Variants in NEK6 observed in about 807,000 individuals in gnomAD.
The protein encoded by NEK6 is serine/threonine-protein kinase Nek6.
A neutral mutation model predicts 43.5 loss-of-function variants in NEK6; 27 were observed. That is an observed-to-expected ratio of 0.62 (90% CI 0.46 to 0.86). The LOEUF is 0.86. Ranked by LOEUF, NEK6 falls within the 40% of genes least tolerant of loss-of-function variation. The pLI is 0.00. For missense variants in NEK6, 318 were observed against 414.4 expected (o/e 0.77, Z 2.02); for synonymous variants, 167 against 164.1 (o/e 1.02, Z -0.14).
chr9:124,331,377 A>G (rs1828990079), intron 7 of NEK6, among the ~76,000 whole-genome samples: 1 of 152,056 alleles, frequency 6.6e-6, no homozygotes, highest in South Asian at 2.1e-4. Context: ...AAGAGAGACC[A>G]CATCCCTGTG....
chr9:124,350,009 C>T lies in NEK6; in HGVS notation c.832-828C>T, dbSNP rs754167505. On this transcript the variant is annotated intron_variant, in intron 9 of 9. Transcript: ENST00000320246. ...AACGGGCCTGCGCAGCAGTAGCCCC[C>T]GGGCCTCCAGAACGTCCCGTGGGCC... Among the ~76,000 whole-genome samples, 8 of 152,208 alleles carry T rather than the reference C, an allele frequency of 5.3e-5. No individual in the cohort carries two copies. In the East Asian group the frequency reaches 1.5e-3, roughly 29 times the overall value.
intron 8 of NEK6, among the ~76,000 whole-genome samples, chr9:124,341,606 G>A (rs972780918): frequency 6.6e-6 from 1 of 152,186 alleles, no homozygotes; most frequent in Non-Finnish European, 1.5e-5. Flanking sequence ...CAGCCATGGC[G>A]AGTGTGTAGT....
At chr9:124,336,639 G>T (rs1571633) in intron 7 of NEK6, among the ~76,000 whole-genome samples, 144,546 of 152,190 alleles carry the variant, frequency 0.95, 69,030 homozygotes, top group East Asian at 1. Flanking sequence ...AGAGACTGGT[G>T]AGGACAGCAG....
In NEK6 at chr9:124,313,910, C is replaced by T; in HGVS notation, c.232-13C>T. On this transcript the variant is annotated splice_polypyrimidine_tract_variant and intron_variant, in intron 3 of 9. Coordinates refer to ENST00000320246, the MANE Select transcript of NEK6 (RefSeq NM_014397.6). ...TTGTAACCACTCTATTTCTCTTTTT[C>T]CTCCCGCCCAAGATCTTTGAGATGA... The T allele has an allele frequency of 6.2e-7, 1 of 1,613,930 alleles. No individual in the cohort carries two copies. Among genetic ancestry groups the T allele is most frequent in the East Asian group, 2.2e-5 (1 of 44,868 alleles).
chr9:124,292,174 G>A (rs954904765), intron 1 of NEK6: 1 of 1,251,270 alleles, frequency 8.0e-7, no homozygotes. Context: ...CAGGCCCCAG[G>A]GACCTCCAGG....
chr9:124,290,586 G>A (rs919518892), intron 1 of NEK6, among the ~76,000 whole-genome samples: 3 of 152,240 alleles, frequency 2.0e-5, no homozygotes, highest in African/African-American at 7.2e-5. Flanking sequence ...GAAGTGGCTC[G>A]TTCTGAAAAA....
intron 2 of NEK6, among the ~76,000 whole-genome samples, chr9:124,302,421 C>A (rs541674311): frequency 2.6e-5 from 4 of 152,188 alleles, no homozygotes; most frequent in Non-Finnish European, 5.9e-5. Context: ...GCTGACTGTA[C>A]TGTGGGTCAG....
chr9:124,288,504 G>A (rs1419745790), intron 1 of NEK6, among the ~76,000 whole-genome samples: 3 of 152,038 alleles, frequency 2.0e-5, no homozygotes, highest in Non-Finnish European at 4.4e-5. Context: ...GGCTGGTCTC[G>A]AACTCTTGAC....
chr9:124,270,538 A>G (rs1320057731), intron 1 of NEK6, among the ~76,000 whole-genome samples: 2 of 152,102 alleles, frequency 1.3e-5, no homozygotes, highest in Non-Finnish European at 2.9e-5. Flanking sequence ...AAAAAACACA[A>G]AAGTTTTTTC....
In NEK6 at chr9:124,289,957, C is replaced by T. The variant is rs537677173; in HGVS notation, c.-29-11979C>T. ...CAGCTCAGAGCACAAGCCACTCCTG[C>T]GGAGCTAAAAATGGCCACATACTTC... is the stretch of plus-strand genomic sequence containing the variant. On this transcript the variant is annotated intron_variant, in intron 1 of 9. Coordinates refer to ENST00000320246, the MANE Select transcript of NEK6 (RefSeq NM_014397.6). Among the ~76,000 whole-genome samples the T allele has an allele frequency of 1.8e-4, 27 of 152,294 alleles. No homozygotes were observed. The South Asian group carries it at 4.3e-3, about 25-fold the overall frequency.
At chr9:124,286,628 C>G (rs946973460) in intron 1 of NEK6, 1 of 152,462 alleles carries the variant, frequency 6.6e-6, no homozygotes, top group Non-Finnish European at 1.5e-5. Context: ...GCACTTTTCT[C>G]GCTCTCCTGT....
rs1335629365 is a variant in NEK6 at position 124,298,339 on chromosome 9, C to T, written c.-29-3597C>T. Among the ~76,000 whole-genome samples the T allele has an allele frequency of 4.6e-5, 7 of 152,086 alleles. No individual in the cohort carries two copies. The South Asian group carries it at 8.3e-4, about 18-fold the overall frequency. On this transcript the variant is annotated intron_variant, in intron 1 of 9. Coordinates refer to ENST00000320246, the MANE Select transcript of NEK6 (RefSeq NM_014397.6). ...TAGAACAGGGAACATCAACACCTGCCGGCTCCTCCCTGGAGGCTAACGGTG... is the reference window on the plus strand; with the variant it reads ...TAGAACAGGGAACATCAACACCTGCTGGCTCCTCCCTGGAGGCTAACGGTG...
chr9:124,293,297 C>G (rs1564627056), intron 1 of NEK6, among the ~76,000 whole-genome samples: 1 of 152,236 alleles, frequency 6.6e-6, no homozygotes, highest in Non-Finnish European at 1.5e-5. Context: ...GACCTCACAG[C>G]AGGGATGTGC....
rs1272420651 is a variant in NEK6, at chr9:124,275,481, C to T, written c.-30+17396C>T. On this transcript the variant is annotated intron_variant, in intron 1 of 9. Transcript: ENST00000320246. The surrounding 1 kb of genome is among the most constrained non-coding windows in gnomAD (Gnocchi z 4.4). ...CTGCCCCCGCCTGCCGGGCCCTGTC[C>T]TCTGCCAGGCGGAGCTCCTGGTTCT... is the stretch of plus-strand genomic sequence containing the variant. Among the ~76,000 whole-genome samples the T allele has an allele frequency of 1.3e-5, 2 of 152,226 alleles. No homozygotes were observed. Among genetic ancestry groups the T allele is most frequent in the Non-Finnish European group, 2.9e-5 (2 of 68,034 alleles).
At chr9:124,258,830 C>T (rs1252084733) in intron 1 of NEK6, among the ~76,000 whole-genome samples, 1 of 152,240 alleles carries the variant, frequency 6.6e-6, no homozygotes, top group Admixed American at 6.5e-5. Context: ...CTGGCAGGAC[C>T]CTCTCTGCAT....
In NEK6 at chr9:124,312,650, G is replaced by A; in HGVS notation, c.231+1G>A. Reference sequence around the variant, plus strand: ...GACAGTGGCTCTGAAGAAGGTGCAGGTGAGCTGACAACCCGTGGGGTCAAA... The same window carrying A: ...GACAGTGGCTCTGAAGAAGGTGCAGATGAGCTGACAACCCGTGGGGTCAAA... On this transcript the variant is annotated splice_donor_variant, in intron 3 of 9. Coordinates refer to ENST00000320246, the MANE Select transcript of NEK6 (RefSeq NM_014397.6). LOFTEE classifies it high-confidence loss of function. 1 of 1,611,708 alleles carries A rather than the reference G, an allele frequency of 6.2e-7. No homozygotes were observed. Among genetic ancestry groups the A allele is most frequent in the Non-Finnish European group, 8.5e-7 (1 of 1,178,254 alleles).
chr9:124,310,795 C>T (rs1833490268), intron 2 of NEK6, among the ~76,000 whole-genome samples: 1 of 152,104 alleles, frequency 6.6e-6, no homozygotes, highest in South Asian at 2.1e-4. Context: ...ATTTTTTGGC[C>T]AGGCTGGTCT....
chr9:124,335,685 C>T (rs1406082119), intron 7 of NEK6, among the ~76,000 whole-genome samples: 3 of 152,244 alleles, frequency 2.0e-5, no homozygotes, highest in Non-Finnish European at 4.4e-5. Context: ...AGCCGTCCTG[C>T]GCAGGGTACT....
chr9:124,306,298 G>A (rs1054390709), intron 2 of NEK6, among the ~76,000 whole-genome samples: 6 of 152,042 alleles, frequency 3.9e-5, no homozygotes, highest in East Asian at 3.9e-4. Context: ...ATCATCTTTC[G>A]TATGTGTAAG....
Sources: gnomAD v4.1 joint callset for allele counts (sites outside exome capture counted in the v4.1 genomes callset) on GRCh38, gnomAD v4.1.1 for gene constraint, Gnocchi (gnomAD v3.1) non-coding constraint, MANE v1.5 for transcripts, NCBI Gene and HGNC (gene_info 2026-07-23, HGNC 2026-07-21) for gene names.